The following ZNF611 variants were observed in gnomAD, a reference collection of about 807,000 sequenced individuals.
ZNF611 encodes the protein zinc finger protein 611.
In ZNF611, 6 loss-of-function variants were observed where a neutral mutation model predicts 8.9. That is an observed-to-expected ratio of 0.68 (90% CI 0.37 to 1.34). The LOEUF (loss-of-function observed/expected upper bound fraction) is 1.34. Among genes scored for constraint, ZNF611 ranks in the 40% most tolerant of loss-of-function variants. The probability of loss-of-function intolerance (pLI) is 0.02; values close to 1 mark genes in which losing one functional copy is unlikely to be tolerated. For synonymous variants in ZNF611, 262 were observed against 279.7 expected, an observed-to-expected ratio of 0.94 and a Z score of 0.63; for missense variants, 874 against 841.3, an observed-to-expected ratio of 1.04 and a Z score of -0.48.
chr19:52,726,817 T>C (rs981470644), intron 3 of ZNF611, among the ~76,000 whole-genome samples: 4 of 151,944 alleles, frequency 2.6e-5, no homozygotes, highest in Admixed American at 2.6e-4. Flanking sequence ...CAGTTAGTTG[T>C]CCCGCACGTT....
chr19:52,724,457 T>G (rs1180701133), intron 3 of ZNF611: 1 of 152,180 alleles, frequency 6.6e-6, no homozygotes, highest in Non-Finnish European at 1.5e-5. Flanking sequence ...GCAGACTAAT[T>G]TCTCTTAGTA....
intron 1 of ZNF611, among the ~76,000 whole-genome samples, chr19:52,733,156 C>T (rs2062436119): frequency 6.6e-6 from 1 of 152,112 alleles, no homozygotes; most frequent in South Asian, 2.1e-4. Flanking sequence ...ATGTACATGT[C>T]TTATAGATAC....
At chr19:52,713,917 C>G in intron 5 of ZNF611, 98 bp downstream of exon 5, 1 of 1,575,302 alleles carries the variant, frequency 6.3e-7, no homozygotes, top group Non-Finnish European at 8.5e-7. Context: ...AAAACAAAAC[C>G]CATGTATGGG....
chr19:52,716,091 C>T (rs536593032), intron 3 of ZNF611, 178 bp from the exon 4 acceptor site: 69 of 674,872 alleles, frequency 1.0e-4, no homozygotes, highest in Non-Finnish European at 1.4e-4. Flanking sequence ...GTATATTTGA[C>T]CCCAGTCTTC....
chr19:52,715,680 G>C, intron 4 of ZNF611, 152 bp downstream of exon 4: 1 of 1,269,880 alleles, frequency 7.9e-7, no homozygotes, highest in Non-Finnish European at 1.1e-6. Flanking sequence ...TGGAATCTCA[G>C]AGCAGCTGAG....
At chr19:52,718,398 C>T (rs2062332319) in intron 3 of ZNF611, among the ~76,000 whole-genome samples, 2 of 151,124 alleles carry the variant, frequency 1.3e-5, no homozygotes. Flanking sequence ...CCAGGGAATC[C>T]AGAGGCTGAG....
chr19:52,727,724 A>C (rs1276616541), intron 3 of ZNF611, among the ~76,000 whole-genome samples: 1 of 152,150 alleles, frequency 6.6e-6, no homozygotes, highest in Admixed American at 6.6e-5. Context: ...TTGAGCCACC[A>C]GGGTCAGCCA....
intron 3 of ZNF611, among the ~76,000 whole-genome samples, chr19:52,726,852 C>CT (rs1255468713): frequency 2.0e-5 from 3 of 151,262 alleles, no homozygotes; most frequent in Non-Finnish European, 4.4e-5. Flanking sequence ...ATTACTTTCT[C>CT]TTTTTTTACT....
At chr19:52,719,809 C>T (rs1181361704) in intron 3 of ZNF611, among the ~76,000 whole-genome samples, 1 of 151,966 alleles carries the variant, frequency 6.6e-6, no homozygotes, top group Non-Finnish European at 1.5e-5. Context: ...TTGGGTGTTT[C>T]TCAGAGAGGG....
chr19:52,716,413 C>T (rs553055706), intron 3 of ZNF611, among the ~76,000 whole-genome samples: 2 of 152,326 alleles, frequency 1.3e-5, no homozygotes, highest in Admixed American at 6.5e-5. Context: ...CAAAATGCCT[C>T]GACTCTAACG....
chr19:52,731,140 G>A (rs1428110245), intron 1 of ZNF611, among the ~76,000 whole-genome samples: 1 of 151,676 alleles, frequency 6.6e-6, no homozygotes, highest in Non-Finnish European at 1.5e-5. Context: ...GTGGCTCACT[G>A]CAACCTCTGC....
At chr19:52,732,910 C>T (rs1226878295) in intron 1 of ZNF611, among the ~76,000 whole-genome samples, 1 of 151,788 alleles carries the variant, frequency 6.6e-6, no homozygotes, top group African/African-American at 2.4e-5. Context: ...GAGGAGATCA[C>T]GCCACTGCAC....
intron 5 of ZNF611, among the ~76,000 whole-genome samples, chr19:52,710,719 T>A (rs1346176553): frequency 6.6e-6 from 1 of 152,148 alleles, no homozygotes; most frequent in East Asian, 1.9e-4. Context: ...AAAGGGGGCA[T>A]CTCATCATCA....
At chr19:52,714,511 A>C in intron 4 of ZNF611, among the ~76,000 whole-genome samples, 1 of 151,686 alleles carries the variant, frequency 6.6e-6, no homozygotes, top group East Asian at 1.9e-4. Flanking sequence ...AATGTGGTGA[A>C]AAACTGTCTC....
At chr19:52,723,421 T>C (rs1280982915) in intron 3 of ZNF611, 1 of 151,906 alleles carries the variant, frequency 6.6e-6, no homozygotes, top group African/African-American at 2.4e-5. Flanking sequence ...CGTGCCTGCC[T>C]TATTTTGTAT....
chr19:52,717,329 C>T (rs535868926), intron 3 of ZNF611, among the ~76,000 whole-genome samples: 9 of 152,156 alleles, frequency 5.9e-5, no homozygotes, highest in African/African-American at 1.4e-4. Flanking sequence ...AAAGGAAACC[C>T]GGAGAAGATG....
rs753938122 is a variant in ZNF611, at chr19:52,705,376, T to A, written c.1679A>T (p.His560Leu). The A allele has an allele frequency of 6.2e-7, 1 of 1,614,166 alleles. No homozygotes were observed. The highest frequency in any genetic ancestry group is 1.1e-5 in the South Asian group (1 of 91,074). Residue 560 changes from histidine (H) to leucine (L), a missense_variant, in exon 6 of 6, where the codon CAT becomes CTT. His to Leu is a moderately conservative substitution (Grantham distance 99, BLOSUM62 -3). Coordinates refer to ENST00000652185, the MANE Select transcript of ZNF611 (RefSeq NM_001161499.2). ...ACACTTGTAAGGTTTCTCTCCACTATGAATTCTAGTATGTTTTGCCAGATA... is the reference window on the plus strand; with the variant it reads ...ACACTTGTAAGGTTTCTCTCCACTAAGAATTCTAGTATGTTTTGCCAGATA... ...HSYLAKHTRIHSGEKPYKCNE... is the reference protein window; with the variant it reads ...HSYLAKHTRILSGEKPYKCNE...
At chr19:52,732,054 A>G (rs901353170) in intron 1 of ZNF611, among the ~76,000 whole-genome samples, 10 of 151,926 alleles carry the variant, frequency 6.6e-5, no homozygotes, top group African/African-American at 2.4e-4. Flanking sequence ...GCGGATCACG[A>G]GGTCAGGAGA....
At chr19:52,725,466 G>A (rs555813406) in intron 3 of ZNF611, among the ~76,000 whole-genome samples, 5 of 152,320 alleles carry the variant, frequency 3.3e-5, no homozygotes, top group African/African-American at 1.2e-4. Flanking sequence ...GAGTCAACAA[G>A]GTTTTGAGCA....
Sources: allele counts gnomAD v4.1 joint callset (sites outside exome capture counted in the v4.1 genomes callset), GRCh38; gene constraint gnomAD v4.1.1; transcripts MANE v1.5; gene names NCBI Gene and HGNC (gene_info 2026-07-23, HGNC 2026-07-21).